The following DIAPH3 variants were observed in gnomAD, a reference collection of about 807,000 sequenced individuals.
DIAPH3 encodes the protein protein diaphanous homolog 3.
Under a neutral mutation model 144.3 loss-of-function variants are expected in DIAPH3, and 117 were observed. That is an observed-to-expected ratio of 0.81 (90% CI 0.70 to 0.95). The LOEUF is 0.95. Ranked by LOEUF, DIAPH3 falls within the 40% of genes least tolerant of loss-of-function variation. DIAPH3 has a pLI of 0.00. For missense variants in DIAPH3, 1,421 were observed against 1,412.7 expected (o/e 1.01, Z -0.09); for synonymous variants, 519 against 488.9 (o/e 1.06, Z -0.81).
intron 18 of DIAPH3, among the ~76,000 whole-genome samples, chr13:59,918,208 G>GAA (rs571397429): frequency 1.2e-3 from 110 of 95,000 alleles, no homozygotes; most frequent in African/African-American, 1.2e-3. Context: ...GGCAGCACAG[G>GAA]AAAAAAAAAA....
intron 2 of DIAPH3, among the ~76,000 whole-genome samples, chr13:60,132,522 T>G (rs1021774021): frequency 6.6e-6 from 1 of 152,318 alleles, no homozygotes; most frequent in East Asian, 1.9e-4. Context: ...ATAAAAAACG[T>G]AGTAAGGCAT....
chr13:60,110,063 T>C (rs989885721), intron 3 of DIAPH3, among the ~76,000 whole-genome samples: 1 of 152,208 alleles, frequency 6.6e-6, no homozygotes, highest in Admixed American at 6.5e-5. Flanking sequence ...TGAGTATGAA[T>C]GTTGAAGTTA....
chr13:59,703,305 T>C (rs562685852), intron 27 of DIAPH3, among the ~76,000 whole-genome samples: 14 of 152,236 alleles, frequency 9.2e-5, no homozygotes, highest in Non-Finnish European at 1.5e-4. Flanking sequence ...ACTTTGAATA[T>C]ATTGGGTAAA....
chr13:59,668,601 C>T (rs866186376), intron 27 of DIAPH3, among the ~76,000 whole-genome samples: 9 of 152,054 alleles, frequency 5.9e-5, no homozygotes, highest in East Asian at 3.9e-4. Flanking sequence ...GTGCCTAGAC[C>T]GTCCTTGGTG....
In DIAPH3 at chr13:59,665,611, T is replaced by A. The variant is rs141572271; in HGVS notation, c.*973A>T. The A allele has an allele frequency of 1.3e-3, 191 of 152,704 alleles. 1 individual carries two copies. Among genetic ancestry groups the A allele is most frequent in the African/African-American group, 4.4e-3 (182 of 41,550 alleles). The allele number at this position is 152,704 out of a possible 1,614,324, so 9.5% of individuals were successfully genotyped here. A position where few individuals can be genotyped will look rare whatever the true frequency, so the allele number is the denominator to read the frequency against. Reference sequence around the variant, plus strand: ...TTTTTCATTTAGTGCAAGTAGCAAGTTTATTTCCTTTGATATAGAATTAAC... The same window carrying A: ...TTTTTCATTTAGTGCAAGTAGCAAGATTATTTCCTTTGATATAGAATTAAC... On this transcript the variant is annotated 3_prime_UTR_variant, in exon 28 of 28. Coordinates refer to ENST00000400324, the MANE Select transcript of DIAPH3 (RefSeq NM_001042517.2).
At chr13:59,862,931 G>T (rs2043685581) in intron 21 of DIAPH3, among the ~76,000 whole-genome samples, 1 of 152,060 alleles carries the variant, frequency 6.6e-6, no homozygotes, top group Non-Finnish European at 1.5e-5. Context: ...AAAATACATG[G>T]TTAAACCTCA....
At chr13:59,799,381 A>G (rs1349619134) in intron 25 of DIAPH3, among the ~76,000 whole-genome samples, 28 of 100,456 alleles carry the variant, frequency 2.8e-4, no homozygotes, top group Non-Finnish European at 4.1e-4. Context: ...ATATGCACAC[A>G]CACACACACA....
chr13:59,822,302 C>A (rs1050834553), intron 24 of DIAPH3, among the ~76,000 whole-genome samples: 1 of 152,088 alleles, frequency 6.6e-6, no homozygotes, highest in African/African-American at 2.4e-5. Flanking sequence ...TCGCTATGCA[C>A]AAGATGGCAG....
chr13:59,923,469 A>AAC (rs1166738496), intron 18 of DIAPH3, among the ~76,000 whole-genome samples: 1 of 152,172 alleles, frequency 6.6e-6, no homozygotes, highest in East Asian at 1.9e-4. Context: ...GGTCTAAGCA[A>AAC]ACACACACAA....
chr13:59,675,055 GC>G (rs1031259645), intron 27 of DIAPH3, among the ~76,000 whole-genome samples: 29 of 152,272 alleles, frequency 1.9e-4, no homozygotes, highest in Admixed American at 1.8e-3. Context: ...ACTTTTACAT[GC>G]TATCTTTTTT....
chr13:59,972,251 A>G (rs576630317), intron 15 of DIAPH3, among the ~76,000 whole-genome samples: 1 of 152,304 alleles, frequency 6.6e-6, no homozygotes, highest in Admixed American at 6.5e-5. Flanking sequence ...TGCCACAGAG[A>G]AGCAAGGTAA....
chr13:59,672,739 T>TACACA (rs756163501), intron 27 of DIAPH3, among the ~76,000 whole-genome samples: 17 of 152,216 alleles, frequency 1.1e-4, no homozygotes, highest in Non-Finnish European at 2.5e-4. Context: ...TTTCGCTGTT[T>TACACA]ATCTTATGTA....
chr13:60,099,975 A>G (rs559246021), intron 3 of DIAPH3, among the ~76,000 whole-genome samples: 26 of 137,364 alleles, frequency 1.9e-4, no homozygotes, highest in African/African-American at 3.1e-4. Context: ...AAGGAAGGAA[A>G]GTCAAAAGGA....
rs1490330129 is a variant in DIAPH3 at position 59,774,832 on chromosome 13, A to G, written c.3164-9T>C. The G allele has an allele frequency of 6.2e-7, 1 of 1,611,494 alleles. No homozygotes were observed. Among genetic ancestry groups the G allele is most frequent in the Non-Finnish European group, 8.5e-7 (1 of 1,177,710 alleles). On this transcript the variant is annotated splice_polypyrimidine_tract_variant and intron_variant, in intron 25 of 27. Transcript: ENST00000400324. ...TCCTGTCTCATCACCCTCTGTGAAA[A>G]GAGATGCAGGGAATTCCATCAGCCC... is the stretch of plus-strand genomic sequence containing the variant.
chr13:60,010,269 G>T (rs1168172622), intron 8 of DIAPH3, among the ~76,000 whole-genome samples: 1 of 151,488 alleles, frequency 6.6e-6, no homozygotes, highest in Non-Finnish European at 1.5e-5. Flanking sequence ...TTTAATTTAG[G>T]GTTTCAGTTA....
intron 25 of DIAPH3, among the ~76,000 whole-genome samples, chr13:59,779,185 T>C (rs1250293510): frequency 6.6e-6 from 1 of 152,190 alleles, no homozygotes; most frequent in East Asian, 1.9e-4. Context: ...CACTCTCACA[T>C]GCATAATGGG....
chr13:59,725,356 T>C (rs547425250), intron 27 of DIAPH3, among the ~76,000 whole-genome samples: 44 of 152,268 alleles, frequency 2.9e-4, no homozygotes, highest in South Asian at 8.3e-4. Flanking sequence ...GAAGAAATAA[T>C]AGAAGTAAAC....
chr13:59,813,217 C>A (rs1167527190), intron 24 of DIAPH3, among the ~76,000 whole-genome samples: 2 of 151,920 alleles, frequency 1.3e-5, no homozygotes, highest in Non-Finnish European at 2.9e-5. Context: ...GACCCCACAT[C>A]CATGAAATGG....
intron 1 of DIAPH3, among the ~76,000 whole-genome samples, chr13:60,158,638 A>G (rs1034159020): frequency 2.6e-5 from 4 of 152,136 alleles, no homozygotes; most frequent in Non-Finnish European, 5.9e-5. Context: ...TGCCCCAGCT[A>G]AAAGGGGAGA....
Sources: allele counts gnomAD v4.1 joint callset (sites outside exome capture counted in the v4.1 genomes callset), GRCh38; gene constraint gnomAD v4.1.1; transcripts MANE v1.5; gene names NCBI Gene and HGNC (gene_info 2026-07-23, HGNC 2026-07-21).